UROC1: variants seen among roughly 807,000 people sequenced by gnomAD.
UROC1 encodes the protein urocanate hydratase 1.
Under a neutral mutation model 89.5 loss-of-function variants are expected in UROC1, and 79 were observed. That is an observed-to-expected ratio of 0.88 (90% CI 0.74 to 1.06). The LOEUF (loss-of-function observed/expected upper bound fraction) is 1.06. Ranked by LOEUF, UROC1 falls within the 50% of genes least tolerant of loss-of-function variation. UROC1 has a pLI of 0.00. For missense variants in UROC1, 885 were observed against 907.8 expected (o/e 0.97, Z 0.32); for synonymous variants, 361 against 354.8 (o/e 1.02, Z -0.20).
chr3:126,508,514 G>A, intron 3 of UROC1, 39 bp from the exon 4 acceptor site: 3 of 1,567,620 alleles, frequency 1.9e-6, no homozygotes, highest in Non-Finnish European at 2.6e-6. Context: ...GAGGGCCTGG[G>A]AAGGGCCTAT....
intron 1 of UROC1, among the ~76,000 whole-genome samples, chr3:126,511,304 C>G (rs543847661): frequency 6.6e-6 from 1 of 152,308 alleles, no homozygotes; most frequent in Non-Finnish European, 1.5e-5. Context: ...CAGATACATA[C>G]ACCCATACTC....
At position 126,505,736 on chromosome 3, in the gene UROC1, C is replaced by A. The variant is rs746736077; in HGVS notation, c.778G>T (p.Ala260Ser). 6.2e-7 allele frequency: 1 copy of A among 1,613,870 alleles called. No homozygotes were observed. The highest frequency in any genetic ancestry group is 2.2e-5 in the East Asian group (1 of 44,884). ...GGMSGAQAKA[A>S]VIVGCIGVIA... ...ACACCGATGCACCCCACGATGACTG[C>A]GGCCTTGGCCTGAGCCCCACTCATT... The change falls in exon 8 of 20, where the codon GCA becomes TCA. Residue 260 changes from alanine (A) to serine (S), a missense_variant. Transcript: ENST00000290868.
At chr3:126,514,068 G>A (rs368711066) in intron 1 of UROC1, among the ~76,000 whole-genome samples, 2 of 152,184 alleles carry the variant, frequency 1.3e-5, no homozygotes, top group African/African-American at 2.4e-5. Context: ...TGCCTAAGCT[G>A]CTATAGCCAC....
At chr3:126,496,251 C>A (rs929194617) in intron 14 of UROC1, 143 bp from the exon 15 acceptor site, 11 of 758,304 alleles carry the variant, frequency 1.5e-5, no homozygotes, top group Non-Finnish European at 2.1e-5. Context: ...CCCCACCCCA[C>A]CCCTGCCTTT....
chr3:126,509,555 G>T, intron 3 of UROC1, 30 bp downstream of exon 3: 2 of 1,529,858 alleles, frequency 1.3e-6, no homozygotes, highest in Non-Finnish European at 1.8e-6. Flanking sequence ...CTGCTGGACA[G>T]TGCTGGGCCT....
intron 18 of UROC1, among the ~76,000 whole-genome samples, chr3:126,485,832 T>G (rs1935502933): frequency 6.6e-6 from 1 of 152,032 alleles, no homozygotes; most frequent in Non-Finnish European, 1.5e-5. Context: ...AGACATTGTT[T>G]AGTGTGAAAA....
intron 1 of UROC1, among the ~76,000 whole-genome samples, chr3:126,511,357 A>G (rs1412961564): frequency 6.6e-6 from 1 of 152,068 alleles, no homozygotes; most frequent in East Asian, 1.9e-4. Context: ...TAATACATCC[A>G]TCCTCTTCTA....
intron 15 of UROC1, among the ~76,000 whole-genome samples, chr3:126,494,939 C>T (rs1304075824): frequency 6.6e-6 from 1 of 151,566 alleles, no homozygotes; most frequent in Non-Finnish European, 1.5e-5. Flanking sequence ...GCCACAGGGG[C>T]CTGCTCCAAA....
intron 8 of UROC1, 47 bp downstream of exon 8, chr3:126,505,654 A>AGGGAGGGC (rs1936037766): frequency 5.4e-6 from 8 of 1,474,622 alleles, no homozygotes; most frequent in Non-Finnish European, 5.5e-6. Context: ...GGAGGGAGGG[A>AGGGAGGGC]GGGAGGGAGG....
chr3:126,501,129 C>T (rs1302419417), intron 10 of UROC1, 89 bp downstream of exon 10: 35 of 1,408,738 alleles, frequency 2.5e-5, no homozygotes, highest in Non-Finnish European at 3.2e-5. Context: ...GCTTTGTGTC[C>T]TGGCAGCTCC....
chr3:126,509,745 C>T (rs1424282985), intron 2 of UROC1, 67 bp from the exon 3 acceptor site: 1 of 1,446,554 alleles, frequency 6.9e-7, no homozygotes, highest in African/African-American at 1.4e-5. Flanking sequence ...CCTGGCCCCG[C>T]CCAGCCCCTG....
At chr3:126,504,142 T>A in intron 8 of UROC1, 59 bp from the exon 9 acceptor site, 1 of 1,563,530 alleles carries the variant, frequency 6.4e-7, no homozygotes, top group Non-Finnish European at 8.8e-7. Flanking sequence ...AAATCTTCCC[T>A]AAGTGTATCA....
intron 16 of UROC1, among the ~76,000 whole-genome samples, chr3:126,490,611 G>C (rs922705868): frequency 4.6e-5 from 7 of 152,260 alleles, no homozygotes; most frequent in Non-Finnish European, 7.4e-5. Context: ...CTTTAATCTG[G>C]GGGGTGGAGG....
intron 9 of UROC1, 72 bp from the exon 10 acceptor site, chr3:126,501,352 C>A: frequency 6.4e-7 from 1 of 1,565,798 alleles, no homozygotes; most frequent in South Asian, 1.1e-5. Context: ...ACCTGCACCC[C>A]AGCTGCACAC....
At position 126,482,411 on chromosome 3, in the gene UROC1, G is replaced by T. The variant is rs898182208; in HGVS notation, c.1965C>A (p.Thr655=). Residue 655 remains threonine (T), a synonymous_variant, in exon 20 of 20, where the codon ACC becomes ACA. Transcript: ENST00000290868. ...IICQTMQENS[T]LVVTLPHKVE... ...CCTTGTGAGGCAGTGTCACCACCAAGGTGCTGTTCTCCTGCATGGTCTGGC... is the reference window on the plus strand; with the variant it reads ...CCTTGTGAGGCAGTGTCACCACCAATGTGCTGTTCTCCTGCATGGTCTGGC... 14 of 1,613,874 alleles carry T rather than the reference G, an allele frequency of 8.7e-6. No individual in the cohort carries two copies. Among genetic ancestry groups the T allele is most frequent in the Non-Finnish European group, 1.2e-5 (14 of 1,180,008 alleles).
intron 13 of UROC1, among the ~76,000 whole-genome samples, chr3:126,498,731 G>C (rs1935841883): frequency 6.6e-6 from 1 of 152,140 alleles, no homozygotes; most frequent in Admixed American, 6.5e-5. Flanking sequence ...CAGTGAGCTT[G>C]ACAGTAAGTG....
chr3:126,485,715 C>T (rs1362313027), intron 18 of UROC1, among the ~76,000 whole-genome samples: 2 of 150,768 alleles, frequency 1.3e-5, no homozygotes, highest in Non-Finnish European at 3.0e-5. Context: ...TAGGCGTGCA[C>T]CACTAGGCCT....
intron 11 of UROC1, 82 bp downstream of exon 11, chr3:126,500,613 G>C: frequency 6.4e-7 from 1 of 1,570,838 alleles, no homozygotes. Context: ...GCTGGTTGCT[G>C]GAGAACTAGG....
intron 8 of UROC1, among the ~76,000 whole-genome samples, chr3:126,504,968 A>G (rs1936019964): frequency 6.6e-6 from 1 of 152,188 alleles, no homozygotes; most frequent in Non-Finnish European, 1.5e-5. Context: ...GGCTTGATGC[A>G]GTCCTTGCAG....
Sources: allele counts gnomAD v4.1 joint callset (sites outside exome capture counted in the v4.1 genomes callset), GRCh38; gene constraint gnomAD v4.1.1; transcripts MANE v1.5; gene names NCBI Gene and HGNC (gene_info 2026-07-23, HGNC 2026-07-21).